The following TNKS variants were observed in gnomAD, a reference collection of about 807,000 sequenced individuals.
The protein encoded by TNKS is tankyrase, also known as poly [ADP-ribose] polymerase tankyrase-1.
A neutral mutation model predicts 135.8 loss-of-function variants in TNKS; 72 were observed. The ratio of observed to expected loss-of-function variants is 0.53; its 90% CI spans 0.44 to 0.64. TNKS has a LOEUF of 0.64. Ranked by LOEUF, TNKS falls within the 30% of genes least tolerant of loss-of-function variation. The probability of loss-of-function intolerance (pLI) is 0.00; values close to 1 mark genes in which losing one functional copy is unlikely to be tolerated. For synonymous variants in TNKS, 849 were observed against 649.3 expected (o/e 1.31, Z -4.68); for missense variants, 1,769 against 1,674.0 (o/e 1.06, Z -0.99).
intron 17 of TNKS, 121 bp downstream of exon 17, chr8:9,735,607 T>A (rs1324773264): frequency 1.1e-5 from 8 of 740,564 alleles, no homozygotes; most frequent in Non-Finnish European, 1.8e-5. Context: ...GAGACAATCC[T>A]GGCTAACACG....
At chr8:9,687,421 T>C (rs1273187225) in intron 5 of TNKS, among the ~76,000 whole-genome samples, 3 of 152,222 alleles carry the variant, frequency 2.0e-5, no homozygotes, top group Admixed American at 1.3e-4. Context: ...TGTTGGGATA[T>C]ATTGTATAAA....
chr8:9,723,344 G>C (rs7015963), intron 12 of TNKS, among the ~76,000 whole-genome samples: 106,437 of 151,810 alleles, frequency 0.7, 37,850 homozygotes, highest in Admixed American at 0.8. Flanking sequence ...ATTAATATCA[G>C]TCAAATAAGA....
At chr8:9,610,792 CTA>C (rs1312693130) in intron 2 of TNKS, among the ~76,000 whole-genome samples, 1 of 152,148 alleles carries the variant, frequency 6.6e-6, no homozygotes, top group African/African-American at 2.4e-5. Context: ...CACATTGTTT[CTA>C]TGTCTTGTGT....
rs1261796163 is a variant in TNKS at position 9,641,369 on chromosome 8, C to T, written c.994+25692C>T. 1.1e-4 allele frequency among the ~76,000 whole-genome samples: 16 copies of T among 143,578 alleles called. 3 individuals are homozygous for T. Among genetic ancestry groups the T allele is most frequent in the African/African-American group, 3.9e-4 (15 of 38,666 alleles). 94.2% of individuals were successfully genotyped at this position (143,578 alleles called of 152,430 possible). On this transcript the variant is annotated intron_variant, in intron 3 of 26. Coordinates refer to ENST00000310430, the MANE Select transcript of TNKS (RefSeq NM_003747.3). The stretch of plus-strand genomic sequence containing the variant: ...ATAAAAAAGGCCTGCTAGGAAATTT[C>T]AAACTGGGTAATTGAGATATTTCCA...
At chr8:9,657,633 G>A (rs867716977) in intron 3 of TNKS, among the ~76,000 whole-genome samples, 18 of 88,916 alleles carry the variant, frequency 2.0e-4, no homozygotes, top group South Asian at 5.7e-4. Context: ...TGGACGGGGC[G>A]GCTGGCCGGG....
At chr8:9,637,115 A>C (rs981532786) in intron 3 of TNKS, among the ~76,000 whole-genome samples, 3 of 152,210 alleles carry the variant, frequency 2.0e-5, no homozygotes, top group Non-Finnish European at 4.4e-5. Flanking sequence ...AATTATCTCA[A>C]ATGACTATGA....
intron 17 of TNKS, 80 bp from the exon 18 acceptor site, chr8:9,747,944 A>C (rs1369834448): frequency 3.7e-6 from 5 of 1,334,542 alleles, no homozygotes; most frequent in Non-Finnish European, 5.1e-6. Context: ...GTGAATTGTT[A>C]AATAAAAACA....
chr8:9,710,415 T>A, intron 11 of TNKS, 195 bp downstream of exon 11: 1 of 612,100 alleles, frequency 1.6e-6, no homozygotes. Flanking sequence ...CCGTGTTTCT[T>A]GATCCTTTAA....
At chr8:9,589,986 G>T (rs188607982) in intron 2 of TNKS, among the ~76,000 whole-genome samples, 3 of 152,124 alleles carry the variant, frequency 2.0e-5, no homozygotes, top group South Asian at 2.1e-4. Context: ...TGAATGTTAC[G>T]TACAAAATAC....
At chr8:9,774,966 A>C (rs1374600254) in intron 26 of TNKS, among the ~76,000 whole-genome samples, 1 of 152,166 alleles carries the variant, frequency 6.6e-6, no homozygotes, top group East Asian at 1.9e-4. Context: ...CGTTCTTTTT[A>C]CATTTCTCCT....
intron 2 of TNKS, among the ~76,000 whole-genome samples, chr8:9,586,697 T>C (rs1223389395): frequency 1.3e-5 from 2 of 150,944 alleles, no homozygotes; most frequent in East Asian, 1.9e-4. Context: ...AATTATAATA[T>C]AGTCTATATA....
At chr8:9,670,567 A>G (rs897497358) in intron 3 of TNKS, among the ~76,000 whole-genome samples, 9 of 152,192 alleles carry the variant, frequency 5.9e-5, no homozygotes, top group Middle Eastern at 3.2e-3. Flanking sequence ...TATTAATGAA[A>G]TTGGAGTCAT....
intron 24 of TNKS, 22 bp from the exon 25 acceptor site, chr8:9,766,217 C>A: frequency 3.2e-6 from 5 of 1,584,108 alleles, no homozygotes; most frequent in Non-Finnish European, 4.3e-6. Flanking sequence ...AAAAACGAAT[C>A]TTTCTGTCTT....
intron 3 of TNKS, chr8:9,671,027 G>C (rs1802247535): frequency 6.6e-6 from 1 of 152,104 alleles, no homozygotes; most frequent in Non-Finnish European, 1.5e-5. Context: ...ATTAGTTCAG[G>C]CCAGATGAAT....
chr8:9,735,549 C>G (rs1459140004), intron 17 of TNKS, 63 bp downstream of exon 17: 43 of 1,345,164 alleles, frequency 3.2e-5, no homozygotes, highest in Non-Finnish European at 4.3e-5. Context: ...GCCTGTAATC[C>G]CAGCACTTTA....
chr8:9,714,327 AG>A (rs1244988790), intron 11 of TNKS, among the ~76,000 whole-genome samples: 1 of 83,492 alleles, frequency 1.2e-5, no homozygotes, highest in Non-Finnish European at 2.7e-5. Flanking sequence ...ACCGCCCTAC[AG>A]GCTTTTTTTT....
intron 26 of TNKS, among the ~76,000 whole-genome samples, chr8:9,773,810 C>CTT (rs975263299): frequency 6.6e-6 from 1 of 152,028 alleles, no homozygotes; most frequent in African/African-American, 2.4e-5. Flanking sequence ...TTCAGGTATA[C>CTT]TTGTACACAT....
chr8:9,698,317 T>C (rs1288193940), intron 5 of TNKS, among the ~76,000 whole-genome samples: 2 of 137,258 alleles, frequency 1.5e-5, no homozygotes, highest in Non-Finnish European at 1.5e-5. Flanking sequence ...GACTGCAGTA[T>C]ACCCATGTAA....
intron 5 of TNKS, among the ~76,000 whole-genome samples, chr8:9,687,685 T>C (rs1254539130): frequency 6.6e-6 from 1 of 152,184 alleles, no homozygotes; most frequent in Non-Finnish European, 1.5e-5. Flanking sequence ...CATTTACCTC[T>C]ATTTAGCCAC....
Sources: gnomAD v4.1 joint callset for allele counts (sites outside exome capture counted in the v4.1 genomes callset) on GRCh38, gnomAD v4.1.1 for gene constraint, MANE v1.5 for transcripts, NCBI Gene and HGNC (gene_info 2026-07-23, HGNC 2026-07-21) for gene names.